Variants in GRIK3 observed in about 807,000 individuals in gnomAD.
GRIK3 encodes the protein glutamate ionotropic receptor kainate type subunit 3.
GRIK3 carries 29 observed loss-of-function variants against 102.5 expected under a neutral mutation model. The observed-to-expected ratio is 0.28, with a 90% CI of 0.21 to 0.39. GRIK3 has a LOEUF of 0.39. Ranked by LOEUF, GRIK3 falls within the 10% of genes least tolerant of loss-of-function variation. GRIK3 has a pLI of 1.00. For synonymous variants in GRIK3, 511 were observed against 504.9 expected, an observed-to-expected ratio of 1.01 and a Z score of -0.16; for missense variants, 908 against 1,252.4, an observed-to-expected ratio of 0.73 and a Z score of 4.15.
At chr1:36,844,173 AAG>A (rs1640493383) in intron 9 of GRIK3, among the ~76,000 whole-genome samples, 1 of 152,190 alleles carries the variant, frequency 6.6e-6, no homozygotes, top group Non-Finnish European at 1.5e-5. Flanking sequence ...GCTTCAGGGA[AAG>A]AACTGGTGGG....
At chr1:36,886,334 G>A (rs986106834) in intron 2 of GRIK3, among the ~76,000 whole-genome samples, 1 of 152,266 alleles carries the variant, frequency 6.6e-6, no homozygotes, top group African/African-American at 2.4e-5. Flanking sequence ...GCAATGACGA[G>A]GACTTCTGTC....
At chr1:36,858,994 G>T in intron 7 of GRIK3, 114 bp downstream of exon 7, 4 of 954,742 alleles carry the variant, frequency 4.2e-6, no homozygotes, top group Non-Finnish European at 6.2e-6. Context: ...GAGGCAACTT[G>T]CCTGAGGTCA....
At chr1:36,979,981 C>G (rs541001537) in intron 1 of GRIK3, among the ~76,000 whole-genome samples, 1 of 152,204 alleles carries the variant, frequency 6.6e-6, no homozygotes, top group Non-Finnish European at 1.5e-5. Context: ...AGAGGACACC[C>G]TCTTGAGTGG....
intron 10 of GRIK3, among the ~76,000 whole-genome samples, chr1:36,840,406 G>A (rs1448018204): frequency 6.6e-6 from 1 of 151,998 alleles, no homozygotes; most frequent in African/African-American, 2.4e-5. Context: ...AGGAGCTACG[G>A]TAGTTGCTAA....
chr1:37,005,811 T>G lies in GRIK3; in HGVS notation c.115+28183A>C, dbSNP rs1642525181. ...TAAATAAAGCTGACAAAATCCTCTG[T>G]CCCCGTGGAGTTAACTCTCAAGGGG... On this transcript the variant is annotated intron_variant, in intron 1 of 15. Transcript: ENST00000373091. Among the ~76,000 whole-genome samples the G allele has an allele frequency of 2.6e-5, 4 of 152,146 alleles. No individual in the cohort carries two copies. In the South Asian group the frequency reaches 8.3e-4, roughly 32 times the overall value.
chr1:36,908,249 G>T (rs1004407465), intron 1 of GRIK3, among the ~76,000 whole-genome samples: 1 of 152,200 alleles, frequency 6.6e-6, no homozygotes, highest in Non-Finnish European at 1.5e-5. Flanking sequence ...GCTTCCAGGG[G>T]ACCTGACCTA....
chr1:36,975,382 C>T (rs1028312852), intron 1 of GRIK3, among the ~76,000 whole-genome samples: 5 of 150,324 alleles, frequency 3.3e-5, no homozygotes, highest in East Asian at 1.9e-4. Flanking sequence ...GCAACCTCCA[C>T]CTCCTGGGCT....
At chr1:37,015,649 G>C (rs1642645620) in intron 1 of GRIK3, among the ~76,000 whole-genome samples, 1 of 152,164 alleles carries the variant, frequency 6.6e-6, no homozygotes, top group Admixed American at 6.5e-5. Context: ...GCCAGGGAGA[G>C]GGTGCCAAGC....
intron 1 of GRIK3, among the ~76,000 whole-genome samples, chr1:37,005,960 G>A (rs1642528186): frequency 6.6e-6 from 1 of 152,122 alleles, no homozygotes; most frequent in East Asian, 1.9e-4. Context: ...TCTCAGGGAG[G>A]GTGAGGTGAC....
At position 36,902,829 on chromosome 1, in the gene GRIK3, G is replaced by A. The variant is rs1287887073; in HGVS notation, c.116-11733C>T. On this transcript the variant is annotated intron_variant, in intron 1 of 15. Coordinates refer to ENST00000373091, the MANE Select transcript of GRIK3 (RefSeq NM_000831.4). ...TTTTGAAACAGGGTCTTGCTCTGTT[G>A]CCCAGGCTGGTGTGCAGTGGTACAA... Among the ~76,000 whole-genome samples, 4 of 151,912 alleles carry A rather than the reference G, an allele frequency of 2.6e-5. No individual in the cohort carries two copies. In the East Asian group the frequency reaches 7.7e-4, roughly 29 times the overall value.
At chr1:36,879,482 G>T (rs1640942445) in intron 3 of GRIK3, among the ~76,000 whole-genome samples, 1 of 152,204 alleles carries the variant, frequency 6.6e-6, no homozygotes. Context: ...GACAGAAAGA[G>T]TGGGTTTTGT....
In GRIK3 at chr1:37,034,283, G is replaced by GCCGCCCCGCCGGCGC. The variant is rs1642863546; in HGVS notation, c.-190_-176dup. Among the ~76,000 whole-genome samples the GCCGCCCCGCCGGCGC allele has an allele frequency of 6.7e-6, 1 of 148,698 alleles. No individual in the cohort carries two copies. Among genetic ancestry groups the GCCGCCCCGCCGGCGC allele is most frequent in the African/African-American group, 2.4e-5 (1 of 40,998 alleles). ...GGCGCCGCGCACATCTTACTGGGGG[G>GCCGCCCCGCCGGCGC]CCGCCCCGCCGGCGCCCGCCCCGCC... is the stretch of plus-strand genomic sequence containing the variant. On this transcript the variant is annotated 5_prime_UTR_variant, in exon 1 of 16. Coordinates refer to ENST00000373091, the MANE Select transcript of GRIK3 (RefSeq NM_000831.4).
chr1:36,826,548 G>C (rs936784657), intron 10 of GRIK3, among the ~76,000 whole-genome samples: 1 of 152,090 alleles, frequency 6.6e-6, no homozygotes, highest in African/African-American at 2.4e-5. Flanking sequence ...CGTGCCTGTA[G>C]TCCCAGCTAC....
rs186073935 is a variant in GRIK3 at position 36,971,915 on chromosome 1, G to A, written c.115+62079C>T. 2.0e-5 allele frequency among the ~76,000 whole-genome samples: 3 copies of A among 152,288 alleles called. No homozygotes were observed. The East Asian group carries it at 5.8e-4, about 29-fold the overall frequency. On this transcript the variant is annotated intron_variant, in intron 1 of 15. Coordinates refer to ENST00000373091, the MANE Select transcript of GRIK3 (RefSeq NM_000831.4). ...GAGACACCCTTTTGGAGGGAACAGGGAAACTTCTCCAGCTTACCTCTCTGT... is the reference window on the plus strand; with the variant it reads ...GAGACACCCTTTTGGAGGGAACAGGAAAACTTCTCCAGCTTACCTCTCTGT...
chr1:36,869,313 A>T (rs894242267), intron 5 of GRIK3, among the ~76,000 whole-genome samples: 10 of 152,178 alleles, frequency 6.6e-5, no homozygotes, highest in African/African-American at 2.2e-4. Flanking sequence ...TGCGTGGGGA[A>T]GTGTGGGCTA....
chr1:36,821,901 A>G (rs1290584349), intron 11 of GRIK3, among the ~76,000 whole-genome samples: 2 of 152,248 alleles, frequency 1.3e-5, no homozygotes, highest in African/African-American at 4.8e-5. Flanking sequence ...GCACACATAC[A>G]CAAATATATA....
In GRIK3 at chr1:36,957,706, C is replaced by G. The variant is rs530324843; in HGVS notation, c.116-66610G>C. Reference sequence around the variant, plus strand: ...TCTGTGCCCCATGAGCCTGTGTGCCCCGTGAGCCTGTGTGCTCTGTGAGTC... The same window carrying G: ...TCTGTGCCCCATGAGCCTGTGTGCCGCGTGAGCCTGTGTGCTCTGTGAGTC... On this transcript the variant is annotated intron_variant, in intron 1 of 15. Coordinates refer to ENST00000373091, the MANE Select transcript of GRIK3 (RefSeq NM_000831.4). Among the ~76,000 whole-genome samples the G allele has an allele frequency of 5.3e-5, 8 of 150,428 alleles. No homozygotes were observed. In the East Asian group the frequency reaches 1.6e-3, roughly 30 times the overall value.
chr1:36,968,717 G>A (rs1303078038), intron 1 of GRIK3, among the ~76,000 whole-genome samples: 1 of 152,344 alleles, frequency 6.6e-6, no homozygotes. Context: ...GGCAAGGCCA[G>A]GACTTGCTGG....
At chr1:36,902,817 T>A (rs1001367195) in intron 1 of GRIK3, among the ~76,000 whole-genome samples, 1 of 151,570 alleles carries the variant, frequency 6.6e-6, no homozygotes, top group Non-Finnish European at 1.5e-5. Flanking sequence ...TGAAACAGGG[T>A]CTTGCTCTGT....
Sources: allele counts gnomAD v4.1 joint callset (sites outside exome capture counted in the v4.1 genomes callset), GRCh38; gene constraint gnomAD v4.1.1; transcripts MANE v1.5; gene names NCBI Gene and HGNC (gene_info 2026-07-23, HGNC 2026-07-21).